The following EFCAB14 variants were observed in gnomAD, a reference collection of about 807,000 sequenced individuals.
The protein encoded by EFCAB14 is EF-hand calcium binding domain 14.
EFCAB14 carries 43 observed loss-of-function variants against 56.5 expected under a neutral mutation model. That is an observed-to-expected ratio of 0.76 (90% CI 0.60 to 0.98). The LOEUF (loss-of-function observed/expected upper bound fraction) is 0.98, where lower values mean the gene tolerates loss of function less well. EFCAB14 is among the 50% of genes least tolerant of loss of function. The pLI, the probability that EFCAB14 is intolerant of heterozygous loss-of-function variation, is 0.00. For missense variants in EFCAB14, 538 were observed against 580.3 expected (o/e 0.93, Z 0.75); for synonymous variants, 235 against 212.9 (o/e 1.10, Z -0.90).
chr1:46,716,978 T>C (rs181058071), intron 1 of EFCAB14, among the ~76,000 whole-genome samples: 10 of 152,284 alleles, frequency 6.6e-5, no homozygotes, highest in Admixed American at 4.6e-4. Context: ...TAAGGAAACA[T>C]AGAAGGGGCT....
At chr1:46,679,467 A>AT (rs528669311) in intron 10 of EFCAB14, among the ~76,000 whole-genome samples, 3 of 151,298 alleles carry the variant, frequency 2.0e-5, no homozygotes, top group Admixed American at 1.3e-4. Flanking sequence ...CGCCCAGCTA[A>AT]TTTTTTTTAA....
chr1:46,678,313 T>G lies in EFCAB14; in HGVS notation c.*148A>C. 1.5e-6 allele frequency: 1 copy of G among 672,900 alleles called. No homozygotes were observed. Among genetic ancestry groups the G allele is most frequent in the Non-Finnish European group, 2.3e-6 (1 of 431,822 alleles). The allele number at this position is 672,900 out of a possible 1,614,324, so 41.7% of individuals were successfully genotyped here. On this transcript the variant is annotated 3_prime_UTR_variant, in exon 11 of 11. Coordinates refer to ENST00000371933, the MANE Select transcript of EFCAB14 (RefSeq NM_014774.3). ...TCTTCTTCTTTAAAAAAATAACTTT[T>G]ATATAGCTTCTTCAAACAAGTTAAA...
chr1:46,701,021 T>C (rs763844977), intron 3 of EFCAB14, among the ~76,000 whole-genome samples: 1 of 103,398 alleles, frequency 9.7e-6, no homozygotes, highest in Non-Finnish European at 2.0e-5. Context: ...GCATGTGAGA[T>C]GGGAACACAG....
At chr1:46,679,599 GTTTTTTTTTTT>G (rs60875639) in intron 10 of EFCAB14, among the ~76,000 whole-genome samples, 929 of 36,506 alleles carry the variant, frequency 0.025, 7 homozygotes, top group Non-Finnish European at 0.035. Flanking sequence ...CACCACGCCT[GTTTTTTTTTTT>G]TTTTTTTTTT....
chr1:46,705,746 T>A lies in EFCAB14; in HGVS notation c.480+2160A>T, dbSNP rs1454965231. Among the ~76,000 whole-genome samples, 6 of 152,234 alleles carry A rather than the reference T, an allele frequency of 3.9e-5. No individual in the cohort carries two copies. The South Asian group carries it at 1.0e-3, about 26-fold the overall frequency. ...TATTTTACTTGCTTTTATTCATCTT[T>A]TGTAAATGTATGTATCGCTCACGTT... is the stretch of plus-strand genomic sequence containing the variant. On this transcript the variant is annotated intron_variant, in intron 3 of 10. Transcript: ENST00000371933.
chr1:46,699,110 G>A (rs1488134032), intron 3 of EFCAB14, among the ~76,000 whole-genome samples: 1 of 152,142 alleles, frequency 6.6e-6, no homozygotes, highest in Non-Finnish European at 1.5e-5. Context: ...ATATAACTGA[G>A]AGACAAGGCA....
intron 5 of EFCAB14, among the ~76,000 whole-genome samples, 159 bp from the exon 6 acceptor site, chr1:46,689,850 T>TA (rs1302890057): frequency 1.3e-5 from 2 of 152,202 alleles, no homozygotes; most frequent in Non-Finnish European, 2.9e-5. Flanking sequence ...AGTCTTGTGC[T>TA]AGGTTCTGAG....
intron 5 of EFCAB14, 42 bp from the exon 6 acceptor site, chr1:46,689,733 A>C: frequency 1.3e-6 from 2 of 1,539,664 alleles, no homozygotes; most frequent in Non-Finnish European, 1.8e-6. Flanking sequence ...ACAAGGAATT[A>C]TTAGGTCTAC....
chr1:46,676,614 G>A lies in EFCAB14; in HGVS notation c.*1847C>T, dbSNP rs537878330. The stretch of plus-strand genomic sequence containing the variant: ...TATTTGGTTGTTAGAAAATCTGTAA[G>A]GGTGTATATATATTAAAAAAAGGTG... On this transcript the variant is annotated 3_prime_UTR_variant, in exon 11 of 11. Transcript: ENST00000371933. 1 of 152,466 alleles carries A rather than the reference G, an allele frequency of 6.6e-6. No homozygotes were observed. Among genetic ancestry groups the A allele is most frequent in the Admixed American group, 6.6e-5 (1 of 15,266 alleles). 9.4% of individuals were successfully genotyped at this position (152,466 alleles called of 1,614,324 possible).
chr1:46,707,904 A>G lies in EFCAB14; in HGVS notation c.480+2T>C. The G allele has an allele frequency of 1.2e-6, 2 of 1,607,536 alleles. No individual in the cohort carries two copies. Among genetic ancestry groups the G allele is most frequent in the Non-Finnish European group, 1.7e-6 (2 of 1,179,098 alleles). On this transcript the variant is annotated splice_donor_variant, in intron 3 of 10. Coordinates refer to ENST00000371933, the MANE Select transcript of EFCAB14 (RefSeq NM_014774.3). LOFTEE classifies it high-confidence loss of function. The stretch of plus-strand genomic sequence containing the variant: ...ACACAGCAAAAATCAAACTTTTAGT[A>G]CCTGCTTATTCATTTCTGTGATGTT...
chr1:46,701,581 T>C (rs1018774688), intron 3 of EFCAB14, among the ~76,000 whole-genome samples: 1 of 152,112 alleles, frequency 6.6e-6, no homozygotes, highest in African/African-American at 2.4e-5. Flanking sequence ...ATGGTAGTGG[T>C]CTCACAAAAA....
intron 3 of EFCAB14, among the ~76,000 whole-genome samples, chr1:46,703,563 C>CA (rs1677191053): frequency 6.6e-6 from 1 of 152,186 alleles, no homozygotes; most frequent in African/African-American, 2.4e-5. Context: ...GCCTATCTAA[C>CA]ACATGTATTT....
chr1:46,709,990 A>AAAAC (rs561833330), intron 2 of EFCAB14, among the ~76,000 whole-genome samples: 34 of 152,298 alleles, frequency 2.2e-4, no homozygotes, highest in South Asian at 8.3e-4. Context: ...CTCCATCTCA[A>AAAAC]AAACAAACAA....
chr1:46,712,457 T>C (rs1159885084), intron 2 of EFCAB14, among the ~76,000 whole-genome samples: 1 of 151,766 alleles, frequency 6.6e-6, no homozygotes, highest in Non-Finnish European at 1.5e-5. Flanking sequence ...TCAGTACTTT[T>C]AGCTTAAGGA....
intron 2 of EFCAB14, among the ~76,000 whole-genome samples, chr1:46,712,272 A>G (rs1285124165): frequency 6.6e-6 from 1 of 152,196 alleles, no homozygotes; most frequent in Non-Finnish European, 1.5e-5. Context: ...CCAGAAAAGG[A>G]GGTGCCTGAT....
chr1:46,684,913 C>T (rs1444792285), intron 8 of EFCAB14, among the ~76,000 whole-genome samples: 3 of 152,180 alleles, frequency 2.0e-5, no homozygotes, highest in Non-Finnish European at 4.4e-5. Context: ...GCTCAGGTGC[C>T]TATGCGACAC....
At position 46,677,124 on chromosome 1, in the gene EFCAB14, G is replaced by A. The variant is rs1393075139; in HGVS notation, c.*1337C>T. The A allele has an allele frequency of 1.3e-5, 2 of 152,578 alleles. No homozygotes were observed. The highest frequency in any genetic ancestry group is 1.9e-4 in the East Asian group (1 of 5,194). 9.5% of individuals were successfully genotyped at this position (152,578 alleles called of 1,614,324 possible). On this transcript the variant is annotated 3_prime_UTR_variant, in exon 11 of 11. Coordinates refer to ENST00000371933, the MANE Select transcript of EFCAB14 (RefSeq NM_014774.3). Reference sequence around the variant, plus strand: ...TCTAGACTCAACATACAGGAGACATGGAGGTATTATTCCTTTCAATCTAGG... The same window carrying A: ...TCTAGACTCAACATACAGGAGACATAGAGGTATTATTCCTTTCAATCTAGG...
At chr1:46,712,720 T>A (rs908067030) in intron 2 of EFCAB14, among the ~76,000 whole-genome samples, 76 of 152,148 alleles carry the variant, frequency 5.0e-4, no homozygotes, top group African/African-American at 1.8e-3. Flanking sequence ...TTAAAAAATA[T>A]ATTTAGGCAG....
At chr1:46,696,000 T>C (rs1432274549) in intron 4 of EFCAB14, among the ~76,000 whole-genome samples, 1 of 152,178 alleles carries the variant, frequency 6.6e-6, no homozygotes, top group Non-Finnish European at 1.5e-5. Flanking sequence ...TTTTTACCAA[T>C]TAATACTCCT....
Sources: allele counts gnomAD v4.1 joint callset (sites outside exome capture counted in the v4.1 genomes callset), GRCh38; gene constraint gnomAD v4.1.1; transcripts MANE v1.5; gene names NCBI Gene and HGNC (gene_info 2026-07-23, HGNC 2026-07-21).